CALN1: variants seen among roughly 807,000 people sequenced by gnomAD.
CALN1 encodes calcium-binding protein 8.
CALN1 carries 17 observed loss-of-function variants against 30.6 expected under a neutral mutation model. The observed-to-expected ratio is 0.56, with a 90% CI of 0.38 to 0.83. CALN1 has a LOEUF of 0.83. CALN1 is among the 40% of genes least tolerant of loss of function. CALN1 has a pLI of 0.00. For synonymous variants in CALN1, 156 were observed against 131.4 expected (o/e 1.19, Z -1.28); for missense variants, 291 against 354.9 (o/e 0.82, Z 1.45).
At chr7:72,209,044 C>CT (rs1792121460) in intron 3 of CALN1, among the ~76,000 whole-genome samples, 1 of 142,430 alleles carries the variant, frequency 7.0e-6, no homozygotes, top group Non-Finnish European at 1.5e-5. Context: ...TTCTCTCTCT[C>CT]CTTTTTCTCC....
intron 1 of CALN1, among the ~76,000 whole-genome samples, chr7:72,409,631 A>ACTGAG (rs1562956522): frequency 2.0e-5 from 3 of 151,952 alleles, no homozygotes; most frequent in African/African-American, 7.2e-5. Context: ...AATTCCAATC[A>ACTGAG]CTGGGAGCAA....
intron 3 of CALN1, among the ~76,000 whole-genome samples, chr7:72,140,267 T>C (rs1809802873): frequency 9.0e-6 from 1 of 110,838 alleles, no homozygotes; most frequent in African/African-American, 3.8e-5. Flanking sequence ...TGAGACCTTG[T>C]CTCAAAATAA....
chr7:72,274,194 G>A (rs553910610), intron 3 of CALN1, among the ~76,000 whole-genome samples: 1 of 152,218 alleles, frequency 6.6e-6, no homozygotes, highest in East Asian at 1.9e-4. Flanking sequence ...AGATGGAGGT[G>A]AATTTAGTTT....
chr7:72,174,897 T>C (rs1789231216), intron 3 of CALN1, among the ~76,000 whole-genome samples: 1 of 151,654 alleles, frequency 6.6e-6, no homozygotes, highest in Non-Finnish European at 1.5e-5. Flanking sequence ...TGCAGTGTAC[T>C]GTATGTAAAC....
chr7:72,375,587 A>T (rs1418214121), intron 2 of CALN1, among the ~76,000 whole-genome samples: 1 of 151,780 alleles, frequency 6.6e-6, no homozygotes, highest in Non-Finnish European at 1.5e-5. Flanking sequence ...AAAAAAGAAA[A>T]GGAAAAAATA....
chr7:71,989,236 G>A (rs777697768), intron 5 of CALN1, among the ~76,000 whole-genome samples: 3 of 152,102 alleles, frequency 2.0e-5, no homozygotes, highest in Non-Finnish European at 4.4e-5. Flanking sequence ...TCACGAGTTC[G>A]AGAGGAGCCT....
intron 6 of CALN1, among the ~76,000 whole-genome samples, chr7:71,804,016 G>T (rs1319100411): frequency 2.0e-5 from 3 of 151,838 alleles, no homozygotes; most frequent in Admixed American, 6.6e-5. Flanking sequence ...AATTAAACAA[G>T]ATAACAAAAT....
chr7:72,082,679 A>G (rs1805225466), intron 4 of CALN1, among the ~76,000 whole-genome samples: 1 of 152,168 alleles, frequency 6.6e-6, no homozygotes, highest in Admixed American at 6.5e-5. Context: ...CAAAACAGAA[A>G]GTCCTGATGT....
chr7:72,338,701 T>C (rs1802241895), intron 2 of CALN1, among the ~76,000 whole-genome samples: 1 of 152,090 alleles, frequency 6.6e-6, no homozygotes, highest in Admixed American at 6.6e-5. Flanking sequence ...GGTGTACATA[T>C]TTATGGGGTA....
At chr7:71,908,341 T>A (rs967457440) in intron 5 of CALN1, among the ~76,000 whole-genome samples, 23 of 152,180 alleles carry the variant, frequency 1.5e-4, no homozygotes, top group Admixed American at 1.4e-3. Flanking sequence ...AATTTGGAAT[T>A]ATTTTTCTTC....
chr7:71,976,885 A>G (rs981764800), intron 5 of CALN1, among the ~76,000 whole-genome samples: 2 of 152,126 alleles, frequency 1.3e-5, no homozygotes, highest in Non-Finnish European at 2.9e-5. Flanking sequence ...TCCCCCTGCA[A>G]TTTGCACGTG....
At chr7:72,283,464 A>G (rs987211442) in intron 2 of CALN1, among the ~76,000 whole-genome samples, 13 of 152,152 alleles carry the variant, frequency 8.5e-5, no homozygotes, top group African/African-American at 3.1e-4. Context: ...GAGCACAGTA[A>G]TTTGAGACTT....
chr7:71,950,626 C>T (rs1011997807), intron 5 of CALN1, among the ~76,000 whole-genome samples: 2 of 152,148 alleles, frequency 1.3e-5, no homozygotes, highest in African/African-American at 4.8e-5. Context: ...CCTAACACCC[C>T]CGATCCACAG....
At chr7:72,026,534 A>C (rs752551394) in intron 4 of CALN1, among the ~76,000 whole-genome samples, 2 of 151,868 alleles carry the variant, frequency 1.3e-5, no homozygotes, top group African/African-American at 2.4e-5. Context: ...GCAGTGAGCC[A>C]AGGTAAGACC....
rs1181933030 is a variant in CALN1, at chr7:72,098,764, GCACA to G, written c.388+7383_388+7386del. On this transcript the variant is annotated intron_variant, in intron 4 of 6. Coordinates refer to ENST00000395275, the MANE Select transcript of CALN1 (RefSeq NM_031468.4). ...CTGAGCAGTTCAGCCCATTTGGCGC[GCACA>G]CACACACACACACACACACACACAC... Among the ~76,000 whole-genome samples the G allele has an allele frequency of 2.0e-3, 292 of 142,826 alleles. 1 individual carries two copies. The highest frequency in any genetic ancestry group is 3.4e-3 in the Non-Finnish European group (217 of 64,770). The allele number at this position is 142,826 out of a possible 152,430, so 93.7% of individuals were successfully genotyped here. A position where few individuals can be genotyped will look rare whatever the true frequency, so the allele number is the denominator to read the frequency against.
chr7:72,449,955 C>G (rs185100586), upstream of CALN1, among the ~76,000 whole-genome samples: 477 of 150,956 alleles, frequency 3.2e-3, 2 homozygotes, highest in African/African-American at 0.011. Context: ...CCTGTAATCC[C>G]AACGCTTTGG....
chr7:72,235,266 T>A (rs186239186), intron 3 of CALN1, among the ~76,000 whole-genome samples: 1 of 151,220 alleles, frequency 6.6e-6, no homozygotes, highest in East Asian at 1.9e-4. Context: ...ACAGTGAGAC[T>A]CTGTCTCAAA....
intron 4 of CALN1, among the ~76,000 whole-genome samples, chr7:72,056,532 C>T (rs1440994086): frequency 6.6e-6 from 1 of 151,918 alleles, no homozygotes; most frequent in Non-Finnish European, 1.5e-5. Flanking sequence ...TACTCTAGAA[C>T]ATGAATTAGA....
chr7:72,070,249 C>G lies in CALN1; in HGVS notation c.388+35902G>C, dbSNP rs190701218. Among the ~76,000 whole-genome samples, 511 of 152,292 alleles carry G rather than the reference C, an allele frequency of 3.4e-3. 2 individuals carry two copies. The highest frequency in any genetic ancestry group is 0.012 in the African/African-American group (494 of 41,566). On this transcript the variant is annotated intron_variant, in intron 4 of 6. Coordinates refer to ENST00000395275, the MANE Select transcript of CALN1 (RefSeq NM_031468.4). ...GGGAATGCAGAATCATTATGGCATT[C>G]CCATCTTTCTCTCTCCCAAAACGTA...
Sources: allele counts gnomAD v4.1 joint callset (sites outside exome capture counted in the v4.1 genomes callset), GRCh38; gene constraint gnomAD v4.1.1; transcripts MANE v1.5; gene names NCBI Gene and HGNC (gene_info 2026-07-23, HGNC 2026-07-21).